The following DAB1 variants were observed in gnomAD, a reference collection of about 807,000 sequenced individuals.
DAB1 encodes the protein DAB adaptor protein 1, also known as disabled homolog 1.
In DAB1, 15 loss-of-function variants were observed where a neutral mutation model predicts 64.6. The ratio of observed to expected loss-of-function variants is 0.23; its 90% CI spans 0.16 to 0.36. The LOEUF (loss-of-function observed/expected upper bound fraction) is 0.36. DAB1 is among the 10% of genes least tolerant of loss of function. The pLI, the probability that DAB1 is intolerant of heterozygous loss-of-function variation, is 1.00. For missense variants in DAB1, 596 were observed against 706.7 expected, an observed-to-expected ratio of 0.84 and a Z score of 1.78; for synonymous variants, 235 against 251.9, an observed-to-expected ratio of 0.93 and a Z score of 0.64.
At chr1:57,716,506 A>G (rs1276335054) in intron 6 of DAB1, among the ~76,000 whole-genome samples, 2 of 152,224 alleles carry the variant, frequency 1.3e-5, no homozygotes, top group African/African-American at 2.4e-5. Flanking sequence ...TCTTGGAATA[A>G]GTGGGGCTGA....
intron 3 of DAB1, among the ~76,000 whole-genome samples, chr1:58,383,638 C>A (rs575140360): frequency 4.3e-4 from 65 of 152,218 alleles, no homozygotes; most frequent in African/African-American, 1.5e-3. Context: ...ATAGTTGTTG[C>A]TATTATTACT....
At chr1:57,996,012 AC>A (rs1646419137) in intron 5 of DAB1, among the ~76,000 whole-genome samples, 2 of 152,158 alleles carry the variant, frequency 1.3e-5, no homozygotes, top group African/African-American at 4.8e-5. Context: ...TAATCCCAGC[AC>A]TTTGGAAGAC....
chr1:57,837,978 C>A (rs1243487188), intron 1 of DAB1, among the ~76,000 whole-genome samples: 1 of 152,052 alleles, frequency 6.6e-6, no homozygotes, highest in Admixed American at 6.6e-5. Context: ...CTGCCACCAT[C>A]ATTTCCCCCC....
At chr1:58,055,826 C>T (rs1358058823) in intron 5 of DAB1, among the ~76,000 whole-genome samples, 1 of 151,984 alleles carries the variant, frequency 6.6e-6, no homozygotes, top group Non-Finnish European at 1.5e-5. Flanking sequence ...CTCAAGTGAT[C>T]CTCCTGCCTC....
intron 4 of DAB1, among the ~76,000 whole-genome samples, chr1:58,202,856 G>A (rs1658074842): frequency 6.6e-6 from 1 of 152,104 alleles, no homozygotes; most frequent in Admixed American, 6.5e-5. Flanking sequence ...ATGTCTCTGT[G>A]ACAGCAAAAC....
chr1:57,431,438 C>T (rs1489436590), intron 7 of DAB1, among the ~76,000 whole-genome samples: 1 of 152,176 alleles, frequency 6.6e-6, no homozygotes, highest in African/African-American at 2.4e-5. Flanking sequence ...ATTGCTGTTT[C>T]TCTTCTGAGG....
chr1:58,370,247 T>C (rs1347350363), intron 3 of DAB1, among the ~76,000 whole-genome samples: 1 of 152,064 alleles, frequency 6.6e-6, no homozygotes, highest in East Asian at 1.9e-4. Context: ...TACAGATGAA[T>C]CTTGATAGGT....
At chr1:58,324,758 G>T (rs762546329) in intron 4 of DAB1, among the ~76,000 whole-genome samples, 1 of 152,202 alleles carries the variant, frequency 6.6e-6, no homozygotes, top group Non-Finnish European at 1.5e-5. Context: ...ACTGCTGGGT[G>T]TGTTGCCTGT....
intron 5 of DAB1, among the ~76,000 whole-genome samples, chr1:58,032,733 G>T (rs1176444143): frequency 6.6e-6 from 1 of 152,180 alleles, no homozygotes; most frequent in East Asian, 1.9e-4. Context: ...GGCCCACAAT[G>T]CACATGCCTA....
Position 58,218,878 on chromosome 1 carries a change from C to T in DAB1, n.310-68290G>A, listed in dbSNP as rs185613575. ...AAGCAGATTCTATCAACACGCAGTG[C>T]ATCAGAGACTCCTTTTAGATTGTGG... On this transcript the variant is annotated intron_variant and non_coding_transcript_variant, in intron 4 of 20. Transcript: ENST00000485760. Among the ~76,000 whole-genome samples, 312 of 152,172 alleles carry T rather than the reference C, an allele frequency of 2.1e-3. 4 individuals are homozygous for T. Among genetic ancestry groups the T allele is most frequent in the African/African-American group, 7.3e-3 (305 of 41,534 alleles).
chr1:57,174,629 G>A (rs780293325), intron 2 of DAB1, among the ~76,000 whole-genome samples: 5 of 152,086 alleles, frequency 3.3e-5, no homozygotes, highest in Admixed American at 6.6e-5. Context: ...ACTGCCTTGA[G>A]TCCTCTGAAC....
At chr1:57,680,740 A>G (rs1223560645) in intron 6 of DAB1, among the ~76,000 whole-genome samples, 1 of 152,170 alleles carries the variant, frequency 6.6e-6, no homozygotes, top group East Asian at 1.9e-4. Flanking sequence ...CTCCTTTGCC[A>G]TGTGTCTTAG....
At chr1:57,867,257 AG>A (rs1400032403) in intron 1 of DAB1, 2 of 152,144 alleles carry the variant, frequency 1.3e-5, no homozygotes, top group African/African-American at 4.8e-5. Flanking sequence ...AATGGGTTAA[AG>A]GGAAGGCCTC....
intron 1 of DAB1, among the ~76,000 whole-genome samples, chr1:57,313,393 A>G (rs1570249208): frequency 6.6e-6 from 1 of 152,338 alleles, no homozygotes. Context: ...ATATTCAATT[A>G]CAGTGTTGGT....
chr1:57,111,509 C>T (rs1323092174), intron 4 of DAB1, among the ~76,000 whole-genome samples: 1 of 152,170 alleles, frequency 6.6e-6, no homozygotes, highest in Non-Finnish European at 1.5e-5. Flanking sequence ...CCTGCTAGCA[C>T]TGGTCCACCT....
intron 5 of DAB1, chr1:58,056,246 T>G: frequency 4.4e-6 from 6 of 1,378,922 alleles, no homozygotes; most frequent in Non-Finnish European, 6.1e-6. Flanking sequence ...TTGCTGTGAA[T>G]TGCACAACTC....
intron 6 of DAB1, among the ~76,000 whole-genome samples, chr1:57,710,850 G>A (rs1392480558): frequency 2.0e-5 from 3 of 152,278 alleles, no homozygotes; most frequent in African/African-American, 7.2e-5. Flanking sequence ...AAAATTCAAA[G>A]GCTAGGGTTT....
intron 1 of DAB1, among the ~76,000 whole-genome samples, chr1:57,412,525 G>C (rs565631960): frequency 3.3e-5 from 5 of 152,178 alleles, no homozygotes; most frequent in Admixed American, 6.5e-5. Flanking sequence ...TAGATTAAAG[G>C]ACATTAAAAG....
chr1:58,515,149 T>C (rs1646140119), intron 2 of DAB1, among the ~76,000 whole-genome samples: 1 of 152,228 alleles, frequency 6.6e-6, no homozygotes. Flanking sequence ...CATTTTATTT[T>C]GTAACCCACT....
Sources: gnomAD v4.1 joint callset for allele counts (sites outside exome capture counted in the v4.1 genomes callset) on GRCh38, gnomAD v4.1.1 for gene constraint, MANE v1.5 for transcripts, NCBI Gene and HGNC (gene_info 2026-07-23, HGNC 2026-07-21) for gene names.